Variants in ZDHHC7 observed in about 807,000 individuals in gnomAD.
ZDHHC7 encodes the protein palmitoyltransferase ZDHHC7.
ZDHHC7 carries 12 observed loss-of-function variants against 34.1 expected under a neutral mutation model. The observed-to-expected ratio is 0.35, with a 90% CI of 0.23 to 0.57. ZDHHC7 has a LOEUF of 0.57. Among genes scored for constraint, ZDHHC7 ranks in the 20% least tolerant of loss-of-function variants. The pLI, the probability that ZDHHC7 is intolerant of heterozygous loss-of-function variation, is 0.84. For missense variants in ZDHHC7, 388 were observed against 402.7 expected (o/e 0.96, Z 0.31); for synonymous variants, 185 against 155.4 (o/e 1.19, Z -1.42).
In ZDHHC7 at chr16:84,976,247, T is replaced by G. The variant is rs553782433; in HGVS notation, c.*96A>C. ...AGCAATTGGTTTGTGTAGGTTCCAG[T>G]TGCCCTGTTGGTCACAGATGAGCTG... On this transcript the variant is annotated 3_prime_UTR_variant, in exon 8 of 8. Coordinates refer to ENST00000313732, the MANE Select transcript of ZDHHC7 (RefSeq NM_017740.3). The G allele has an allele frequency of 2.7e-6, 4 of 1,484,670 alleles. No homozygotes were observed. Among genetic ancestry groups the G allele is most frequent in the East Asian group, 4.5e-5 (2 of 44,016 alleles). 92.0% of individuals were successfully genotyped at this position (1,484,670 alleles called of 1,614,324 possible).
chr16:84,976,660 C>T (rs1178020885), intron 7 of ZDHHC7, 141 bp from the exon 8 acceptor site: 1 of 1,221,154 alleles, frequency 8.2e-7, no homozygotes, highest in African/African-American at 1.5e-5. Flanking sequence ...CAGCTCTGCC[C>T]CGATCCAGAC....
the ZDHHC7 span, among the ~76,000 whole-genome samples, chr16:85,024,100 T>C: frequency 1.3e-5 from 2 of 152,042 alleles, no homozygotes; most frequent in Non-Finnish European, 2.9e-5. Context: ...GTATTTTTAG[T>C]AGAGATGAGG....
At chr16:85,010,841 G>T (rs969667837) in intron 1 of ZDHHC7, among the ~76,000 whole-genome samples, 4 of 152,228 alleles carry the variant, frequency 2.6e-5, no homozygotes, top group African/African-American at 9.6e-5. Context: ...GATGGGCAGA[G>T]AATAAAAGAG....
intron 3 of ZDHHC7, among the ~76,000 whole-genome samples, chr16:84,989,917 G>A (rs760223066): frequency 1.4e-4 from 21 of 152,234 alleles, no homozygotes; most frequent in East Asian, 3.9e-4. Flanking sequence ...GCTGCTGGGC[G>A]TCTCCTCCGA....
intron 1 of ZDHHC7, chr16:85,004,797 A>G (rs911861183): frequency 1.3e-5 from 2 of 152,268 alleles, no homozygotes; most frequent in East Asian, 3.9e-4. Flanking sequence ...GGGGCGTGTG[A>G]TAAGATCTGC....
the ZDHHC7 span, among the ~76,000 whole-genome samples, chr16:85,018,799 G>A: frequency 6.6e-6 from 1 of 152,200 alleles, no homozygotes; most frequent in Admixed American, 6.5e-5. Context: ...AGAGAAACTC[G>A]CAAAGGTTAT....
intron 2 of ZDHHC7, among the ~76,000 whole-genome samples, chr16:84,995,438 C>A (rs376838145): frequency 7.2e-4 from 109 of 152,296 alleles, no homozygotes; most frequent in African/African-American, 2.6e-3. Context: ...CCAGCCTGGC[C>A]AACATGGTGA....
intron 3 of ZDHHC7, among the ~76,000 whole-genome samples, chr16:84,983,538 C>T (rs541602603): frequency 1.3e-5 from 2 of 152,134 alleles, no homozygotes; most frequent in African/African-American, 4.8e-5. Context: ...GTTGACTGCC[C>T]AAACCTCCCC....
chr16:85,025,909 A>C, the ZDHHC7 span, among the ~76,000 whole-genome samples: 1 of 152,208 alleles, frequency 6.6e-6, no homozygotes, highest in African/African-American at 2.4e-5. Context: ...GAGAGGTCAC[A>C]AATATTTTTT....
chr16:85,023,706 C>G, the ZDHHC7 span, among the ~76,000 whole-genome samples: 1 of 152,176 alleles, frequency 6.6e-6, no homozygotes, highest in Non-Finnish European at 1.5e-5. Context: ...GCAACCTTGA[C>G]CTCCCAGGCT....
chr16:85,015,282 G>A (rs1033784853), upstream of ZDHHC7, among the ~76,000 whole-genome samples: 1 of 151,874 alleles, frequency 6.6e-6, no homozygotes, highest in African/African-American at 2.4e-5. Flanking sequence ...TGTATTTTTA[G>A]TAGAGACGAG....
intron 1 of ZDHHC7, among the ~76,000 whole-genome samples, chr16:85,008,265 G>A (rs2072743815): frequency 6.6e-6 from 1 of 152,000 alleles, no homozygotes; most frequent in Non-Finnish European, 1.5e-5. Context: ...TCAACCATGT[G>A]GGCAATCAAT....
chr16:84,980,245 G>A (rs2072350492), intron 4 of ZDHHC7, among the ~76,000 whole-genome samples: 1 of 151,088 alleles, frequency 6.6e-6, no homozygotes, highest in Non-Finnish European at 1.5e-5. Flanking sequence ...GATTACAGGC[G>A]TGAGCCACCG....
Position 84,977,174 on chromosome 16 carries a change from C to G in ZDHHC7, c.671G>C (p.Cys224Ser). ...PITVILLIFL[C>S]LEGLLFFTFT... ...AGTGAAAAACAGAAGACCCTCAAGG[C>G]ACAGGAAGATCAACAGGATTACAGT... The change falls in exon 7 of 8, where the codon TGC becomes TCC. Residue 224 changes from cysteine to serine, a missense_variant. Physicochemically the swap from Cys to Ser is moderately radical, Grantham distance 112. Coordinates refer to ENST00000313732, the MANE Select transcript of ZDHHC7 (RefSeq NM_017740.3). The G allele has an allele frequency of 1.9e-6, 3 of 1,614,190 alleles. No homozygotes were observed. The highest frequency in any genetic ancestry group is 2.5e-6 in the Non-Finnish European group (3 of 1,180,040).
chr16:85,026,618 G>T, the ZDHHC7 span, among the ~76,000 whole-genome samples: 2 of 150,716 alleles, frequency 1.3e-5, no homozygotes, highest in Non-Finnish European at 3.0e-5. Context: ...CTTCTGCTTG[G>T]GGTGTGGGAC....
At chr16:84,992,860 T>G (rs1176767502) in intron 2 of ZDHHC7, among the ~76,000 whole-genome samples, 1 of 152,164 alleles carries the variant, frequency 6.6e-6, no homozygotes, top group Non-Finnish European at 1.5e-5. Context: ...TAAATGCAAC[T>G]GGAACATAGC....
the ZDHHC7 span, among the ~76,000 whole-genome samples, chr16:85,016,622 T>C: frequency 1.2e-5 from 1 of 86,406 alleles, no homozygotes; most frequent in Non-Finnish European, 2.7e-5. Context: ...ACCTGGTTAA[T>C]TTTTTTTTTT....
rs201105181 is a variant in ZDHHC7, at chr16:84,983,964, C to CA, written c.316-1971dup. Among the ~76,000 whole-genome samples, 538 of 128,902 alleles carry CA rather than the reference C, an allele frequency of 4.2e-3. 6 individuals carry two copies. Among genetic ancestry groups the CA allele is most frequent in the East Asian group, 0.035 (148 of 4,264 alleles). The allele number at this position is 128,902 out of a possible 152,430, so 84.6% of individuals were successfully genotyped here. ...CCAAGATCACGCCACTGCACTCCAG[C>CA]AAAAAAAAAAAAAAAATTTTTACTT... On this transcript the variant is annotated intron_variant, in intron 3 of 7. Transcript: ENST00000313732.
At chr16:84,981,806 A>G in intron 4 of ZDHHC7, 64 bp downstream of exon 4, 1 of 1,611,314 alleles carries the variant, frequency 6.2e-7, no homozygotes, top group South Asian at 1.1e-5. Flanking sequence ...ACTCTGGTTT[A>G]ATACAGCAGC....
Sources: gnomAD v4.1 joint callset for allele counts (sites outside exome capture counted in the v4.1 genomes callset) on GRCh38, gnomAD v4.1.1 for gene constraint, MANE v1.5 for transcripts, NCBI Gene and HGNC (gene_info 2026-07-23, HGNC 2026-07-21) for gene names.